The following SH3BGRL2 variants were observed in gnomAD, a reference collection of about 807,000 sequenced individuals.
The protein encoded by SH3BGRL2 is SH3 domain binding glutamate rich protein like 2.
A neutral mutation model predicts 14.8 loss-of-function variants in SH3BGRL2; 21 were observed. That is an observed-to-expected ratio of 1.42 (90% CI 1.01 to 2.05). SH3BGRL2 has a LOEUF of 2.05. SH3BGRL2 is among the 30% of genes most tolerant of loss of function. SH3BGRL2 has a pLI of 0.00. For missense variants in SH3BGRL2, 147 were observed against 130.8 expected (o/e 1.12, Z -0.61); for synonymous variants, 50 against 47.8 (o/e 1.05, Z -0.19).
At chr6:79,629,739 C>G (rs1272722666), upstream of SH3BGRL2, among the ~76,000 whole-genome samples, 1 of 152,158 alleles carries the variant, frequency 6.6e-6, no homozygotes, top group South Asian at 2.1e-4. Context: ...TGTATTAGTA[C>G]AGTGTGTCTT....
the SH3BGRL2 span, among the ~76,000 whole-genome samples, chr6:79,539,005 C>T: frequency 3.3e-5 from 5 of 152,164 alleles, no homozygotes; most frequent in Non-Finnish European, 5.9e-5. Context: ...GTTTCACCTA[C>T]AGGTTAAGAA....
the SH3BGRL2 span, among the ~76,000 whole-genome samples, chr6:79,549,556 A>G: frequency 6.6e-6 from 1 of 152,250 alleles, no homozygotes; most frequent in Admixed American, 6.5e-5. Context: ...TGCCTACAGT[A>G]TTCAGTATAG....
chr6:79,587,863 G>A, the SH3BGRL2 span, among the ~76,000 whole-genome samples: 2,676 of 152,300 alleles, frequency 0.018, 73 homozygotes, highest in African/African-American at 0.061. Context: ...AAATTTTTGA[G>A]TTGCAATAAG....
At chr6:79,589,928 C>G in the SH3BGRL2 span, among the ~76,000 whole-genome samples, 17 of 151,994 alleles carry the variant, frequency 1.1e-4, no homozygotes, top group African/African-American at 4.1e-4. Context: ...TGTACCACTA[C>G]GCCCCACTAA....
chr6:79,618,795 T>C, the SH3BGRL2 span, among the ~76,000 whole-genome samples: 1 of 151,676 alleles, frequency 6.6e-6, no homozygotes, highest in South Asian at 2.1e-4. Flanking sequence ...GGTATGTGCC[T>C]GTAGTACCAG....
intron 1 of SH3BGRL2, among the ~76,000 whole-genome samples, chr6:79,659,008 G>GT (rs1769483917): frequency 6.6e-6 from 1 of 152,028 alleles, no homozygotes; most frequent in African/African-American, 2.4e-5. Flanking sequence ...TTGTAAATTT[G>GT]TTTAAGTTCT....
rs1340915163 is a variant in SH3BGRL2 at position 79,699,608 on chromosome 6, G to A, written c.*99G>A. ...TGCATCACTGTGACAAAAGCCACAC[G>A]CATTATCAGTAACTTTGCTTGCCAC... On this transcript the variant is annotated 3_prime_UTR_variant, in exon 4 of 4. Coordinates refer to ENST00000369838, the MANE Select transcript of SH3BGRL2 (RefSeq NM_031469.4). The A allele has an allele frequency of 9.5e-6, 13 of 1,373,790 alleles. No individual in the cohort carries two copies. Among genetic ancestry groups the A allele is most frequent in the Admixed American group, 4.8e-5 (2 of 41,250 alleles). 85.1% of individuals were successfully genotyped at this position (1,373,790 alleles called of 1,614,324 possible).
chr6:79,666,516 T>C (rs1484805849), intron 1 of SH3BGRL2, among the ~76,000 whole-genome samples: 1 of 152,212 alleles, frequency 6.6e-6, no homozygotes, highest in Non-Finnish European at 1.5e-5. Flanking sequence ...CCAAGGATGG[T>C]GTTTTATTTA....
chr6:79,625,693 C>T, the SH3BGRL2 span, among the ~76,000 whole-genome samples: 3 of 152,104 alleles, frequency 2.0e-5, no homozygotes, highest in Non-Finnish European at 2.9e-5. Context: ...ATTAATAATA[C>T]CTAACACTTA....
intron 2 of SH3BGRL2, among the ~76,000 whole-genome samples, chr6:79,678,909 G>A (rs1227252645): frequency 6.6e-6 from 1 of 152,090 alleles, no homozygotes; most frequent in Admixed American, 6.5e-5. Flanking sequence ...TTAGGATTAC[G>A]GCTGCCAGTT....
chr6:79,640,240 A>G (rs1471161383), intron 1 of SH3BGRL2, among the ~76,000 whole-genome samples: 1 of 152,166 alleles, frequency 6.6e-6, no homozygotes, highest in Non-Finnish European at 1.5e-5. Context: ...CCCTCTCTTA[A>G]TAGGCTTATC....
intron 1 of SH3BGRL2, among the ~76,000 whole-genome samples, chr6:79,659,780 G>GT (rs1191553442): frequency 6.6e-6 from 1 of 152,180 alleles, no homozygotes; most frequent in Non-Finnish European, 1.5e-5. Flanking sequence ...AGCATGGAAT[G>GT]TTTTTTCATT....
chr6:79,651,840 G>C (rs974922138), intron 1 of SH3BGRL2, among the ~76,000 whole-genome samples: 2 of 152,168 alleles, frequency 1.3e-5, no homozygotes, highest in Non-Finnish European at 2.9e-5. Context: ...GATGATTCTG[G>C]AGGGCAGTGG....
the SH3BGRL2 span, among the ~76,000 whole-genome samples, chr6:79,592,808 A>G: frequency 6.6e-6 from 1 of 152,142 alleles, no homozygotes; most frequent in Non-Finnish European, 1.5e-5. Flanking sequence ...TCCTATTATT[A>G]TTTCCATTTT....
At chr6:79,567,882 T>C in the SH3BGRL2 span, among the ~76,000 whole-genome samples, 1 of 152,194 alleles carries the variant, frequency 6.6e-6, no homozygotes, top group Non-Finnish European at 1.5e-5. Context: ...TCTATATTTT[T>C]ATAACTCCAG....
chr6:79,577,383 A>T, the SH3BGRL2 span, among the ~76,000 whole-genome samples: 6 of 152,186 alleles, frequency 3.9e-5, no homozygotes, highest in Non-Finnish European at 8.8e-5. Flanking sequence ...ATAAAGGGTT[A>T]AAACCTTAGT....
chr6:79,544,992 G>A, the SH3BGRL2 span, among the ~76,000 whole-genome samples: 1 of 152,210 alleles, frequency 6.6e-6, no homozygotes, highest in Non-Finnish European at 1.5e-5. Flanking sequence ...TACTGCTTGA[G>A]TAGCAACTGA....
the SH3BGRL2 span, among the ~76,000 whole-genome samples, chr6:79,618,914 C>CAGAAAAAAAAAAAAAAA: frequency 1.3e-5 from 1 of 76,276 alleles, no homozygotes; most frequent in Non-Finnish European, 2.5e-5. Flanking sequence ...GAGACTCTGT[C>CAGAAAAAAAAAAAAAAA]AAAAAAAAAA....
chr6:79,593,148 G>A, the SH3BGRL2 span, among the ~76,000 whole-genome samples: 1 of 152,146 alleles, frequency 6.6e-6, no homozygotes, highest in Non-Finnish European at 1.5e-5. Flanking sequence ...AGTTTAAAAT[G>A]TTGTTAACTA....
Sources: gnomAD v4.1 joint callset for allele counts (sites outside exome capture counted in the v4.1 genomes callset) on GRCh38, gnomAD v4.1.1 for gene constraint, MANE v1.5 for transcripts, NCBI Gene and HGNC (gene_info 2026-07-23, HGNC 2026-07-21) for gene names.